Variants in NAA25 observed in about 807,000 individuals in gnomAD.
NAA25 encodes N-alpha-acetyltransferase 25, NatB auxiliary subunit, also known as N-terminal acetyltransferase B complex subunit NAA25.
In NAA25, 30 loss-of-function variants were observed where a neutral mutation model predicts 132.5. The ratio of observed to expected loss-of-function variants is 0.23; its 90% CI spans 0.17 to 0.31. NAA25 has a LOEUF of 0.31. Ranked by LOEUF, NAA25 falls within the 10% of genes least tolerant of loss-of-function variation. NAA25 has a pLI of 1.00. For missense variants in NAA25, 771 were observed against 1,150.4 expected (o/e 0.67, Z 4.77); for synonymous variants, 359 against 401.9 (o/e 0.89, Z 1.28).
rs371742243 is a variant in NAA25, at chr12:112,092,741, G to A, written c.144+310C>T. Among the ~76,000 whole-genome samples, 316 of 150,744 alleles carry A rather than the reference G, an allele frequency of 2.1e-3. 2 individuals are homozygous for A. The highest frequency in any genetic ancestry group is 7.4e-3 in the African/African-American group (302 of 40,972). The stretch of plus-strand genomic sequence containing the variant: ...CACCTGGGCTAGAGTGCAATGGTGC[G>A]ATCTCCGCTCACTGCAACCTCCACC... On this transcript the variant is annotated intron_variant, in intron 2 of 23. Coordinates refer to ENST00000261745, the MANE Select transcript of NAA25 (RefSeq NM_024953.4).
At chr12:112,044,002 AC>A (rs1242392224) in intron 17 of NAA25, 134 bp from the exon 18 acceptor site, 2 of 853,992 alleles carry the variant, frequency 2.3e-6, no homozygotes, top group Non-Finnish European at 3.5e-6. Context: ...ATCTCTGCTC[AC>A]TGCAAGCTCT....
At chr12:112,052,581 G>A (rs903257432) in intron 15 of NAA25, among the ~76,000 whole-genome samples, 3 of 151,680 alleles carry the variant, frequency 2.0e-5, no homozygotes, top group African/African-American at 7.3e-5. Flanking sequence ...CATAAACTGA[G>A]AACAAACCTA....
Position 112,048,462 on chromosome 12 carries a change from A to G in NAA25, c.1729-19T>C. The G allele has an allele frequency of 6.2e-7, 1 of 1,610,968 alleles. No individual in the cohort carries two copies. The highest frequency in any genetic ancestry group is 8.5e-7 in the Non-Finnish European group (1 of 1,177,620). On this transcript the variant is annotated intron_variant, in intron 15 of 23. Transcript: ENST00000261745. ...CTGAGGTCTGAGAAGGAAAGACATCACCTTGGTATAAATAGTTCACAAGTC... is the reference window on the plus strand; with the variant it reads ...CTGAGGTCTGAGAAGGAAAGACATCGCCTTGGTATAAATAGTTCACAAGTC...
chr12:112,056,070 C>T (rs2136845206), intron 13 of NAA25, among the ~76,000 whole-genome samples: 1 of 152,254 alleles, frequency 6.6e-6, no homozygotes, highest in East Asian at 1.9e-4. Flanking sequence ...CACAGTGGCT[C>T]ACACCTGTAA....
intron 20 of NAA25, among the ~76,000 whole-genome samples, chr12:112,041,328 C>T (rs1042991758): frequency 6.6e-6 from 1 of 151,918 alleles, no homozygotes; most frequent in Admixed American, 6.6e-5. Context: ...GCTGGGACTA[C>T]AGGAGCCCGC....
At chr12:112,070,743 T>C (rs2078793003) in intron 10 of NAA25, among the ~76,000 whole-genome samples, 1 of 151,654 alleles carries the variant, frequency 6.6e-6, no homozygotes, top group Non-Finnish European at 1.5e-5. Context: ...GCTCAGATAA[T>C]TTTTTGTTTT....
chr12:112,054,652 T>C lies in NAA25; in HGVS notation c.1448-84A>G, dbSNP rs901702944. On this transcript the variant is annotated intron_variant, in intron 13 of 23. Transcript: ENST00000261745. The stretch of plus-strand genomic sequence containing the variant: ...AACAAAAAACAAAACCTTATTGACA[T>C]CATCACCCCCCCCAATAAATGAAGT... 55 of 1,200,532 alleles carry C rather than the reference T, an allele frequency of 4.6e-5. No homozygotes were observed. In the Middle Eastern group the frequency reaches 3.5e-3, roughly 76 times the overall value. 74.4% of individuals were successfully genotyped at this position (1,200,532 alleles called of 1,614,324 possible). A position where few individuals can be genotyped will look rare whatever the true frequency, so the allele number is the denominator to read the frequency against.
chr12:112,092,014 G>A (rs1420250936), intron 2 of NAA25, among the ~76,000 whole-genome samples: 1 of 152,204 alleles, frequency 6.6e-6, no homozygotes. Flanking sequence ...GCCAAGGCAG[G>A]CGGATCAGGA....
intron 22 of NAA25, chr12:112,035,215 C>CA (rs1265398509): frequency 1.3e-5 from 2 of 152,086 alleles, no homozygotes; most frequent in Admixed American, 6.6e-5. Context: ...AGAAAGACAA[C>CA]AAAAAACACT....
chr12:112,071,823 T>G, intron 10 of NAA25, 72 bp downstream of exon 10: 1 of 1,231,858 alleles, frequency 8.1e-7, no homozygotes, highest in South Asian at 1.5e-5. Context: ...CCAGTGTAGA[T>G]CTCAACTAAT....
intron 4 of NAA25, among the ~76,000 whole-genome samples, chr12:112,082,789 G>A (rs1225664646): frequency 6.8e-6 from 1 of 148,078 alleles, no homozygotes; most frequent in East Asian, 2.0e-4. Context: ...CAGGGGGCGG[G>A]GGGTGGGGGG....
At chr12:112,102,876 G>A (rs945137002) in intron 1 of NAA25, among the ~76,000 whole-genome samples, 1 of 152,154 alleles carries the variant, frequency 6.6e-6, no homozygotes, top group East Asian at 1.9e-4. Context: ...TTTTAGTAGA[G>A]ACGGAGTTTC....
intron 7 of NAA25, among the ~76,000 whole-genome samples, chr12:112,077,452 A>G (rs1253010640): frequency 1.3e-5 from 2 of 150,926 alleles, no homozygotes; most frequent in Admixed American, 6.6e-5. Flanking sequence ...TAGCCTGGCC[A>G]CAGAGTGAGA....
intron 18 of NAA25, 146 bp downstream of exon 18, chr12:112,043,479 A>G (rs569756745): frequency 6.7e-5 from 66 of 981,356 alleles, no homozygotes; most frequent in Middle Eastern, 6.4e-4. Flanking sequence ...ATTCCCTCTG[A>G]GTCTAAAATA....
chr12:112,097,095 A>T (rs562119189), intron 1 of NAA25: 1 of 152,324 alleles, frequency 6.6e-6, no homozygotes, highest in East Asian at 1.9e-4. Context: ...ATGTAACTGC[A>T]GCCCACCCCA....
chr12:112,081,000 G>T, intron 5 of NAA25, 60 bp downstream of exon 5: 1 of 1,380,034 alleles, frequency 7.2e-7, no homozygotes, highest in Non-Finnish European at 1.0e-6. Flanking sequence ...ACACACTGAG[G>T]ACAATAACTA....
chr12:112,085,401 G>A (rs957070872), intron 4 of NAA25, among the ~76,000 whole-genome samples: 7 of 151,844 alleles, frequency 4.6e-5, no homozygotes, highest in Non-Finnish European at 8.8e-5. Context: ...CTCAAAAAAA[G>A]AAAAAGAAAA....
chr12:112,053,407 C>T, intron 15 of NAA25, 151 bp downstream of exon 15: 2 of 566,008 alleles, frequency 3.5e-6, no homozygotes, highest in Non-Finnish European at 6.5e-6. Flanking sequence ...CCTCTCCCTA[C>T]CAGCCTTGGA....
chr12:112,108,232 C>A (rs1293464273), intron 1 of NAA25, among the ~76,000 whole-genome samples: 2 of 152,198 alleles, frequency 1.3e-5, no homozygotes, highest in Admixed American at 6.5e-5. Context: ...CTTCCCCACT[C>A]CGGACCTCAG....
Sources: allele counts gnomAD v4.1 joint callset (sites outside exome capture counted in the v4.1 genomes callset), GRCh38; gene constraint gnomAD v4.1.1; transcripts MANE v1.5; gene names NCBI Gene and HGNC (gene_info 2026-07-23, HGNC 2026-07-21).